ZNF254: variants seen among roughly 807,000 people sequenced by gnomAD.
ZNF254 encodes zinc finger protein 254.
A neutral mutation model predicts 12.4 loss-of-function variants in ZNF254; 10 were observed. The observed-to-expected ratio is 0.80, with a 90% CI of 0.50 to 1.36. The LOEUF is 1.36. Among genes scored for constraint, ZNF254 ranks in the 40% most tolerant of loss-of-function variants. The probability of loss-of-function intolerance (pLI) is 0.00; values close to 1 mark genes in which losing one functional copy is unlikely to be tolerated. For missense variants in ZNF254, 996 were observed against 763.9 expected (o/e 1.30, Z -3.58); for synonymous variants, 305 against 253.4 (o/e 1.20, Z -1.93).
At chr19:24,098,812 A>G (rs938075499) in intron 1 of ZNF254, 2 of 152,096 alleles carry the variant, frequency 1.3e-5, no homozygotes, top group African/African-American at 4.8e-5. Flanking sequence ...TATTACAGTG[A>G]GAACTCTTGG....
chr19:24,111,074 G>A (rs1484188342), intron 3 of ZNF254, among the ~76,000 whole-genome samples: 2 of 151,504 alleles, frequency 1.3e-5, no homozygotes, highest in Non-Finnish European at 1.5e-5. Flanking sequence ...TTACCATTAG[G>A]TATATCTCCT....
chr19:24,035,445 G>T (rs1034459099), intron 1 of ZNF254, among the ~76,000 whole-genome samples: 5 of 152,156 alleles, frequency 3.3e-5, no homozygotes, highest in African/African-American at 1.2e-4. Flanking sequence ...TTATAGGCAT[G>T]AGCCACCACA....
At chr19:24,087,100 C>G, upstream of ZNF254, 2 of 557,482 alleles carry the variant, frequency 3.6e-6, no homozygotes, top group Non-Finnish European at 6.5e-6. Flanking sequence ...GGGCCTTAAA[C>G]GTTATCCAAC....
In ZNF254 at chr19:24,127,021, A is replaced by G. The variant is rs370597535; in HGVS notation, c.1021A>G (p.Lys341Glu). 1.2e-6 allele frequency: 2 copies of G among 1,613,624 alleles called. No individual in the cohort carries two copies. Among genetic ancestry groups the G allele is most frequent in the Non-Finnish European group, 1.7e-6 (2 of 1,179,860 alleles). Reference protein sequence around the residue: ...FIWSSTLTRHKRMHTGEKPYK... With the variant: ...FIWSSTLTRHERMHTGEKPYK... ...ATGGTCCTCAACACTAACTAGACAT[A>G]AGAGGATGCACACTGGAGAGAAACC... Residue 341 changes from lysine to glutamate, a missense_variant, in exon 4 of 4, where the codon AAG becomes GAG. Transcript: ENST00000357002.
At chr19:24,060,051 G>C (rs1227688592) in intron 2 of ZNF254, among the ~76,000 whole-genome samples, 4 of 152,078 alleles carry the variant, frequency 2.6e-5, no homozygotes, top group African/African-American at 4.8e-5. Flanking sequence ...CCTGAGCCTT[G>C]CCCACAGGAA....
intron 1 of ZNF254, among the ~76,000 whole-genome samples, chr19:24,089,717 G>C (rs1034316771): frequency 7.2e-5 from 11 of 151,792 alleles, no homozygotes; most frequent in African/African-American, 2.4e-4. Context: ...TTTTTTTAAA[G>C]CTAATTTTAT....
At chr19:24,062,966 A>G (rs1971132736) in intron 2 of ZNF254, among the ~76,000 whole-genome samples, 1 of 151,860 alleles carries the variant, frequency 6.6e-6, no homozygotes. Flanking sequence ...ATGCCAGCTA[A>G]TTTTTTGTAT....
intron 3 of ZNF254, among the ~76,000 whole-genome samples, chr19:24,116,638 T>C (rs1002413911): frequency 7.6e-5 from 11 of 144,294 alleles, no homozygotes; most frequent in Admixed American, 6.9e-5. Context: ...GCCTTTGGTT[T>C]GAATTTCCTC....
intron 3 of ZNF254, among the ~76,000 whole-genome samples, chr19:24,117,144 G>A (rs984309432): frequency 6.6e-6 from 1 of 152,142 alleles, no homozygotes; most frequent in Admixed American, 6.5e-5. Flanking sequence ...ATGGTTCAGG[G>A]GTCCGGGACC....
Position 24,087,243 on chromosome 19 carries a change from T to C in ZNF254, c.-65T>C. 6.2e-7 allele frequency: 1 copy of C among 1,608,632 alleles called. No individual in the cohort carries two copies. The highest frequency in any genetic ancestry group is 8.5e-7 in the Non-Finnish European group (1 of 1,176,020). Reference sequence around the variant, plus strand: ...GGTCTGTCTTCACTGCTCTGTGTCCTCTGCTCCTAGAGGCCCAGCCTCTGT... The same window carrying C: ...GGTCTGTCTTCACTGCTCTGTGTCCCCTGCTCCTAGAGGCCCAGCCTCTGT... On this transcript the variant is annotated 5_prime_UTR_variant, in exon 1 of 4. Coordinates refer to ENST00000357002, the MANE Select transcript of ZNF254 (RefSeq NM_203282.4).
intron 2 of ZNF254, among the ~76,000 whole-genome samples, chr19:24,064,277 C>G (rs1199601720): frequency 2.6e-5 from 4 of 152,106 alleles, no homozygotes; most frequent in Admixed American, 6.5e-5. Flanking sequence ...CTTTCTAAGC[C>G]CTACCCACAA....
At chr19:24,081,489 T>G (rs1788057240) in intron 2 of ZNF254, among the ~76,000 whole-genome samples, 1 of 152,166 alleles carries the variant, frequency 6.6e-6, no homozygotes, top group Admixed American at 6.5e-5. Flanking sequence ...TAAAAAATAG[T>G]TAAACATTTG....
intron 2 of ZNF254, chr19:24,066,315 G>A (rs1033341249): frequency 6.6e-6 from 1 of 152,142 alleles, no homozygotes; most frequent in Admixed American, 6.6e-5. Flanking sequence ...CTCTTCTTCT[G>A]TTGGTCCTTG....
intron 3 of ZNF254, among the ~76,000 whole-genome samples, chr19:24,118,710 A>T (rs192797753): frequency 6.6e-6 from 1 of 152,110 alleles, no homozygotes; most frequent in Admixed American, 6.6e-5. Flanking sequence ...AGTGTAGTAT[A>T]GTTAAATTTT....
intron 1 of ZNF254, among the ~76,000 whole-genome samples, chr19:24,091,538 G>C (rs547619100): frequency 2.6e-5 from 4 of 152,046 alleles, no homozygotes; most frequent in African/African-American, 7.2e-5. Context: ...CGACACCCAG[G>C]CTGGAGTGCA....
chr19:24,109,380 A>G (rs1203957228), intron 3 of ZNF254, among the ~76,000 whole-genome samples: 1 of 152,334 alleles, frequency 6.6e-6, no homozygotes, highest in East Asian at 1.9e-4. Context: ...GTTAATGTAC[A>G]TTAATGTTGC....
intron 1 of ZNF254, among the ~76,000 whole-genome samples, chr19:24,045,395 C>T (rs542673362): frequency 6.6e-6 from 1 of 152,186 alleles, no homozygotes; most frequent in African/African-American, 2.4e-5. Flanking sequence ...TCTGGCCGGG[C>T]GTGGTGGCTC....
chr19:24,100,732 A>C (rs182533415), intron 1 of ZNF254, among the ~76,000 whole-genome samples: 1 of 151,698 alleles, frequency 6.6e-6, no homozygotes, highest in Non-Finnish European at 1.5e-5. Flanking sequence ...TGCTAATCAA[A>C]GTGCAAATTC....
chr19:24,038,443 A>C (rs568365992), intron 1 of ZNF254, among the ~76,000 whole-genome samples: 1 of 152,176 alleles, frequency 6.6e-6, no homozygotes, highest in Admixed American at 6.5e-5. Context: ...TGTCTTTGCA[A>C]TCTCTTAGCA....
Sources: allele counts gnomAD v4.1 joint callset (sites outside exome capture counted in the v4.1 genomes callset), GRCh38; gene constraint gnomAD v4.1.1; transcripts MANE v1.5; gene names NCBI Gene and HGNC (gene_info 2026-07-23, HGNC 2026-07-21).